The following FST variants were observed in gnomAD, a reference collection of about 807,000 sequenced individuals.
The protein encoded by FST is follistatin, also known as activin-binding protein.
Under a neutral mutation model 38.4 loss-of-function variants are expected in FST, and 6 were observed. That is an observed-to-expected ratio of 0.16 (90% CI 0.09 to 0.31). The LOEUF (loss-of-function observed/expected upper bound fraction) is 0.31. Among genes scored for constraint, FST ranks in the 10% least tolerant of loss-of-function variants. FST has a pLI of 1.00. For synonymous variants in FST, 157 were observed against 169.8 expected, an observed-to-expected ratio of 0.92 and a Z score of 0.59; for missense variants, 301 against 432.3, an observed-to-expected ratio of 0.70 and a Z score of 2.69.
In FST at chr5:53,486,072, C is replaced by CAAAAAAAAAAAAAAAAA. The variant is rs3083659; in HGVS notation, c.*44_*60dup. ...GTTCAGTGTTGACATAGCCTTTGTG[C>CAAAAAAAAAAAAAAAAA]AAAAAAAAAAAAAAAAAAAAAGAAA... On this transcript the variant is annotated 3_prime_UTR_variant, in exon 6 of 6. Coordinates refer to ENST00000256759, the MANE Select transcript of FST (RefSeq NM_013409.3). The CAAAAAAAAAAAAAAAAA allele has an allele frequency of 7.5e-6, 2 of 266,740 alleles. No homozygotes were observed. Among genetic ancestry groups the CAAAAAAAAAAAAAAAAA allele is most frequent in the African/African-American group, 4.6e-5 (1 of 21,738 alleles). 16.5% of individuals were successfully genotyped at this position (266,740 alleles called of 1,614,324 possible). A position where few individuals can be genotyped will look rare whatever the true frequency, so the allele number is the denominator to read the frequency against.
At position 53,483,813 on chromosome 5, in the gene FST, G is replaced by A. The variant is rs1747386785; in HGVS notation, c.496+91G>A. 4.4e-6 allele frequency: 4 copies of A among 914,762 alleles called. No homozygotes were observed. The highest frequency in any genetic ancestry group is 5.0e-5 in the East Asian group (2 of 40,000). The allele number at this position is 914,762 out of a possible 1,614,324, so 56.7% of individuals were successfully genotyped here. A position where few individuals can be genotyped will look rare whatever the true frequency, so the allele number is the denominator to read the frequency against. ...CCCTCTAGAAGACCCTTGGGGGATGGTGTAGTCCGCAGTAAGAGCCTGATA... is the reference window on the plus strand; with the variant it reads ...CCCTCTAGAAGACCCTTGGGGGATGATGTAGTCCGCAGTAAGAGCCTGATA... On this transcript the variant is annotated intron_variant, in intron 3 of 5. Transcript: ENST00000256759. The surrounding 1 kb of genome is among the most constrained non-coding windows in gnomAD (Gnocchi z 4.1).
intron 1 of FST, 124 bp from the exon 2 acceptor site, chr5:53,482,756 C>A (rs1284114912): frequency 1.7e-6 from 1 of 589,956 alleles, no homozygotes; most frequent in Non-Finnish European, 3.1e-6. Flanking sequence ...TCTCTCACTT[C>A]CCCTCCTCCA....
chr5:53,481,096 C>A (rs560637519), intron 1 of FST, among the ~76,000 whole-genome samples: 2 of 151,976 alleles, frequency 1.3e-5, no homozygotes, highest in East Asian at 3.9e-4. Context: ...GGAAAGGGAG[C>A]GAGCTGGGGT....
At position 53,484,175 on chromosome 5, in the gene FST, C is replaced by T. The variant is rs1448021721; in HGVS notation, c.603C>T (p.Ser201=). Residue 201 remains serine, a synonymous_variant, in exon 4 of 6, where the codon TCC becomes TCT. Transcript: ENST00000256759. The part of the protein sequence containing the change: ...TCNRICPEPA[S]SEQYLCGNDG... ...ATCGGATTTGCCCAGAGCCTGCTTC[C>T]TCTGAGCAATATCTCTGTGGGAATG... 2 of 1,613,422 alleles carry T rather than the reference C, an allele frequency of 1.2e-6. No individual in the cohort carries two copies. The highest frequency in any genetic ancestry group is 3.3e-5 in the Admixed American group (2 of 60,024).
rs754373193 is a variant in FST at position 53,484,130 on chromosome 5, T to C, written c.558T>C (p.Asn186=). The part of the protein sequence containing the change: ...SSTCVVDQTN[N]AYCVTCNRIC... The stretch of plus-strand genomic sequence containing the variant: ...CATGTGTGGTGGACCAGACCAATAA[T>C]GCCTACTGTGTGACCTGTAATCGGA... The change falls in exon 4 of 6, where the codon AAT becomes AAC. Residue 186 remains asparagine (N), a synonymous_variant. Coordinates refer to ENST00000256759, the MANE Select transcript of FST (RefSeq NM_013409.3). The C allele has an allele frequency of 1.2e-6, 2 of 1,609,588 alleles. No homozygotes were observed. The highest frequency in any genetic ancestry group is 2.2e-5 in the East Asian group (1 of 44,848).
At chr5:53,485,288 G>A in intron 5 of FST, 61 bp downstream of exon 5, 1 of 881,920 alleles carries the variant, frequency 1.1e-6, no homozygotes, top group Non-Finnish European at 1.9e-6. Context: ...CCTAGGGAAT[G>A]GACACTTACA....
intron 1 of FST, among the ~76,000 whole-genome samples, chr5:53,481,271 TAA>T (rs113843581): frequency 3.6e-5 from 5 of 140,034 alleles, no homozygotes; most frequent in African/African-American, 2.6e-5. Flanking sequence ...TTTGGATACT[TAA>T]AAAAAAAAAA....
At chr5:53,481,462 CAAAAAAAAA>C (rs70983342) in intron 1 of FST, among the ~76,000 whole-genome samples, 6 of 48,080 alleles carry the variant, frequency 1.2e-4, no homozygotes, top group African/African-American at 4.6e-4. Context: ...CCCATTCTCG[CAAAAAAAAA>C]AAAAAAAAAA....
intron 4 of FST, among the ~76,000 whole-genome samples, chr5:53,484,639 T>C (rs1747439405): frequency 1.3e-5 from 2 of 152,238 alleles, no homozygotes; most frequent in Admixed American, 6.5e-5. Context: ...ATTCTAGTAA[T>C]TAATGGAATT....
In FST at chr5:53,485,245, C is replaced by T. The variant is rs1330204331; in HGVS notation, c.952+18C>T. On this transcript the variant is annotated intron_variant, in intron 5 of 5. Coordinates refer to ENST00000256759, the MANE Select transcript of FST (RefSeq NM_013409.3). ...TTGCAACTGTAAGTGCGATTTTTAA[C>T]CTTGCTGCCATTTAAGGCTTTCCCA... The T allele has an allele frequency of 2.2e-6, 3 of 1,371,396 alleles. No homozygotes were observed. The highest frequency in any genetic ancestry group is 1.8e-4 in the Middle Eastern group (1 of 5,594). 85.0% of individuals were successfully genotyped at this position (1,371,396 alleles called of 1,614,324 possible). A position where few individuals can be genotyped will look rare whatever the true frequency, so the allele number is the denominator to read the frequency against.
At chr5:53,485,748 T>G (rs1747511516) in intron 5 of FST, 1 of 1,595,300 alleles carries the variant, frequency 6.3e-7, no homozygotes, top group Admixed American at 1.8e-5. Context: ...TTTGACTTCA[T>G]AGATTATGCT....
intron 1 of FST, among the ~76,000 whole-genome samples, chr5:53,481,532 T>C (rs946513332): frequency 3.3e-5 from 5 of 149,802 alleles, no homozygotes; most frequent in Admixed American, 6.7e-5. Flanking sequence ...ACAGTTTTTT[T>C]CCCCTCTGCC....
At chr5:53,485,435 G>T (rs535042781) in intron 5 of FST, among the ~76,000 whole-genome samples, 1 of 152,232 alleles carries the variant, frequency 6.6e-6, no homozygotes, top group East Asian at 1.9e-4. Context: ...TCATCAATGG[G>T]GTTGCCTCTA....
At chr5:53,481,461 G>GCAAAA in intron 1 of FST, among the ~76,000 whole-genome samples, 1 of 4,452 alleles carries the variant, frequency 2.2e-4, no homozygotes, top group Non-Finnish European at 4.0e-4. Context: ...CCCCATTCTC[G>GCAAAA]CAAAAAAAAA....
rs11746136 is a variant in FST, at chr5:53,485,199, G to T, written c.924G>T (p.Leu308=). The T allele has an allele frequency of 1.9e-6, 3 of 1,606,524 alleles. No individual in the cohort carries two copies. The Admixed American group carries it at 5.0e-5, about 27-fold the overall frequency. Residue 308 remains leucine (L), a synonymous_variant, in exon 5 of 6, where the codon CTG becomes CTT. Coordinates refer to ENST00000256759, the MANE Select transcript of FST (RefSeq NM_013409.3). ...CTGCCTGCTCCTCAGGTGTGCTACTGGAAGTAAAGCACTCCGGATCTTGCA... is the reference window on the plus strand; with the variant it reads ...CTGCCTGCTCCTCAGGTGTGCTACTTGAAGTAAAGCACTCCGGATCTTGCA... ...KEAACSSGVL[L]EVKHSGSCNS... is the part of the protein sequence containing the mutation.
chr5:53,483,753 T>A lies in FST; in HGVS notation c.496+31T>A, dbSNP rs1747380583. ...TCCTACCCTGTTGAGCAAGACTGGA[T>A]CTGTCCCCTCCTCCAGCTTTGTACC... On this transcript the variant is annotated intron_variant, in intron 3 of 5. Transcript: ENST00000256759. The surrounding 1 kb of genome is among the most constrained non-coding windows in gnomAD (Gnocchi z 4.1). The A allele has an allele frequency of 6.7e-7, 1 of 1,503,438 alleles. No individual in the cohort carries two copies. The highest frequency in any genetic ancestry group is 9.3e-7 in the Non-Finnish European group (1 of 1,080,798). 93.1% of individuals were successfully genotyped at this position (1,503,438 alleles called of 1,614,324 possible). A position where few individuals can be genotyped will look rare whatever the true frequency, so the allele number is the denominator to read the frequency against.
intron 1 of FST, chr5:53,482,611 C>T (rs946358493): frequency 4.4e-6 from 2 of 459,708 alleles, no homozygotes; most frequent in Admixed American, 4.0e-5. Flanking sequence ...ATGGCTGGGG[C>T]GCCCTGTCTT....
rs747039800 is a variant in FST at position 53,483,575 on chromosome 5, G to A, written c.349G>A (p.Val117Ile). 2.5e-6 allele frequency: 4 copies of A among 1,614,212 alleles called. No individual in the cohort carries two copies. Among genetic ancestry groups the A allele is most frequent in the South Asian group, 2.2e-5 (2 of 91,086 alleles). The change falls in exon 3 of 6, where the codon GTC becomes ATC. Residue 117 changes from valine to isoleucine, a missense_variant. Val to Ile is a conservative substitution (Grantham distance 29). Coordinates refer to ENST00000256759, the MANE Select transcript of FST (RefSeq NM_013409.3). The surrounding 1 kb of genome is among the most constrained non-coding windows in gnomAD (Gnocchi z 4.1). ...RMNKKNKPRCVCAPDCSNITW... is the reference protein window; with the variant it reads ...RMNKKNKPRCICAPDCSNITW... ...GAACAAGAAGAACAAACCCCGCTGC[G>A]TCTGCGCCCCGGATTGTTCCAACAT... is the stretch of plus-strand genomic sequence containing the variant.
At position 53,486,100 on chromosome 5, in the gene FST, GAAAA is replaced by G. The variant is rs1380551236; in HGVS notation, c.*71_*74del. The G allele has an allele frequency of 5.2e-6, 4 of 764,852 alleles. No homozygotes were observed. The highest frequency in any genetic ancestry group is 8.3e-6 in the Non-Finnish European group (4 of 483,842). 47.4% of individuals were successfully genotyped at this position (764,852 alleles called of 1,614,324 possible). ...AAAAAAAAAAAAAAAAAAAGAAAAA[GAAAA>G]AAAGAAAAATATATTGTCCATACTG... is the stretch of plus-strand genomic sequence containing the variant. On this transcript the variant is annotated 3_prime_UTR_variant, in exon 6 of 6. Coordinates refer to ENST00000256759, the MANE Select transcript of FST (RefSeq NM_013409.3).
Sources: allele counts gnomAD v4.1 joint callset (sites outside exome capture counted in the v4.1 genomes callset), GRCh38; gene constraint gnomAD v4.1.1; non-coding constraint Gnocchi (gnomAD v3.1); transcripts MANE v1.5; gene names NCBI Gene and HGNC (gene_info 2026-07-23, HGNC 2026-07-21).